Variants in ABHD4 observed in about 807,000 individuals in gnomAD.
ABHD4 encodes the protein abhydrolase domain containing 4, N-acyl phospholipase B.
Under a neutral mutation model 42.3 loss-of-function variants are expected in ABHD4, and 35 were observed. That is an observed-to-expected ratio of 0.83 (90% confidence interval 0.63 to 1.10). The LOEUF (loss-of-function observed/expected upper bound fraction) is 1.10, where lower values mean the gene tolerates loss of function less well. Among genes scored for constraint, ABHD4 ranks in the 50% least tolerant of loss-of-function variants. The pLI is 0.00. For missense variants in ABHD4, 389 were observed against 454.8 expected, an observed-to-expected ratio of 0.86 and a Z score of 1.32; for synonymous variants, 169 against 170.6, an observed-to-expected ratio of 0.99 and a Z score of 0.07.
At chr14:22,607,140 C>T (rs1401545963) in intron 5 of ABHD4, among the ~76,000 whole-genome samples, 1 of 152,092 alleles carries the variant, frequency 6.6e-6, no homozygotes, top group Non-Finnish European at 1.5e-5. Flanking sequence ...ATTTGAAATG[C>T]CTTATCATTG....
Position 22,610,911 on chromosome 14 carries a change from A to G in ABHD4, c.992A>G (p.Asn331Ser), listed in dbSNP as rs2037407939. 1.2e-6 allele frequency: 2 copies of G among 1,613,996 alleles called. No individual in the cohort carries two copies. The highest frequency in any genetic ancestry group is 1.3e-5 in the African/African-American group (1 of 74,890). ...HVYADQPHIF[N>S]AVVEEICDSV... ...TATGCTGACCAGCCACACATCTTCA[A>G]TGCTGTGGTGGAGGAGATCTGCGAC... is the stretch of plus-strand genomic sequence containing the variant. Residue 331 changes from asparagine (N) to serine (S), a missense_variant, in exon 7 of 7, where the codon AAT becomes AGT. Transcript: ENST00000428304.
rs1226675115 is a variant in ABHD4, at chr14:22,606,526, A to G, written c.745A>G (p.Asn249Asp). The G allele has an allele frequency of 6.2e-7, 1 of 1,611,456 alleles. No individual in the cohort carries two copies. Among genetic ancestry groups the G allele is most frequent in the South Asian group, 1.1e-5 (1 of 90,548 alleles). The change falls in exon 5 of 7, where the codon AAT becomes GAT. Residue 249 changes from asparagine to aspartate, a missense_variant. This residue lies in a region of ABHD4 where 249 missense variants were observed against 254.4 expected (regional missense o/e 0.98). Transcript: ENST00000428304. ...SEYIYHCNAQ[N>D]PSGETAFKAM... ...GTATATTTACCACTGCAACGCACAG[A>G]ATCCCAGGTGAGGGCCGCTCCCCAG... is the stretch of plus-strand genomic sequence containing the variant.
At chr14:22,607,195 G>A (rs1314301444) in intron 5 of ABHD4, among the ~76,000 whole-genome samples, 12 of 152,026 alleles carry the variant, frequency 7.9e-5, no homozygotes, top group African/African-American at 1.2e-4. Context: ...GGGGTGTCTC[G>A]AGAACTTTGA....
intron 1 of ABHD4, chr14:22,600,307 T>C: frequency 2.4e-6 from 1 of 410,580 alleles, no homozygotes; most frequent in Non-Finnish European, 5.0e-6. Context: ...TATTTGTACA[T>C]GACCTTGAAA....
chr14:22,604,670 T>C (rs2037328886), intron 4 of ABHD4, among the ~76,000 whole-genome samples: 1 of 152,064 alleles, frequency 6.6e-6, no homozygotes, highest in South Asian at 2.1e-4. Context: ...TGTGCAGTGG[T>C]GTGATCTCAG....
At chr14:22,602,149 A>C (rs1429991329) in intron 2 of ABHD4, among the ~76,000 whole-genome samples, 2 of 151,944 alleles carry the variant, frequency 1.3e-5, no homozygotes, top group African/African-American at 4.8e-5. Flanking sequence ...CTTGGCCAGC[A>C]ATCTTGCATT....
In ABHD4 at chr14:22,601,691, G is replaced by A. The variant is rs2037287296; in HGVS notation, c.48G>A (p.Trp16Ter). 1.2e-6 allele frequency: 2 copies of A among 1,614,012 alleles called. No homozygotes were observed. Among genetic ancestry groups the A allele is most frequent in the South Asian group, 1.1e-5 (1 of 91,088 alleles). The stretch of plus-strand genomic sequence containing the variant: ...GGTCTCAAGGCTGGCTGAGTAGCTG[G>A]CTGCCCACGTGGCGCCCCACTTCCA... ...EQQSQGWLSS[W>*]LPTWRPTSMS... The change falls in exon 2 of 7, where the codon TGG becomes TGA. Residue 16 changes from tryptophan to a stop codon, truncating the protein, a stop_gained. Coordinates refer to ENST00000428304, the MANE Select transcript of ABHD4 (RefSeq NM_022060.3). LOFTEE classifies it high-confidence loss of function.
intron 5 of ABHD4, among the ~76,000 whole-genome samples, chr14:22,608,928 G>A (rs368665183): frequency 7.2e-5 from 11 of 152,116 alleles, no homozygotes; most frequent in Admixed American, 4.6e-4. Flanking sequence ...TCGAACTCCC[G>A]ACCTCAGGTG....
Position 22,601,744 on chromosome 14 carries a change from G to A in ABHD4, c.101G>A (p.Arg34Lys). 6.2e-7 allele frequency: 1 copy of A among 1,614,136 alleles called. No individual in the cohort carries two copies. Residue 34 changes from arginine to lysine, a missense_variant, in exon 2 of 7, where the codon AGG (arginine) becomes AAG (lysine). Around this residue, in one of 3 missense-constraint regions of ABHD4, gnomAD observed 102 missense variants for 128.3 expected, o/e 0.80. Transcript: ENST00000428304. ...SMSQLKNVEA[R>K]ILQCLQNKFL... ...TCTCAGCTGAAGAATGTGGAAGCCAGGATCCTCCAGTGTAAGTAGAATGGA... is the reference window on the plus strand; with the variant it reads ...TCTCAGCTGAAGAATGTGGAAGCCAAGATCCTCCAGTGTAAGTAGAATGGA...
At chr14:22,609,665 A>C in intron 5 of ABHD4, 59 bp from the exon 6 acceptor site, 1 of 1,562,068 alleles carries the variant, frequency 6.4e-7, no homozygotes, top group Non-Finnish European at 8.7e-7. Context: ...CAGTCTCTGA[A>C]GAGACCAACA....
At chr14:22,601,166 A>G (rs1395979726) in intron 1 of ABHD4, among the ~76,000 whole-genome samples, 1 of 152,184 alleles carries the variant, frequency 6.6e-6, no homozygotes, top group Non-Finnish European at 1.5e-5. Flanking sequence ...TGGGCACAAC[A>G]CAGTATTCCA....
chr14:22,603,406 C>T lies in ABHD4; in HGVS notation c.129C>T (p.Phe43=). ...ARILQCLQNK[F]LARYVSLPNQ... ...CCTCCCCAGGTCTCCAGAATAAGTT[C>T]CTGGCCAGATATGTATCCCTCCCAA... The change falls in exon 3 of 7, where the codon TTC becomes TTT. Residue 43 remains phenylalanine, a synonymous_variant. Transcript: ENST00000428304. The T allele has an allele frequency of 1.2e-6, 2 of 1,614,174 alleles. No individual in the cohort carries two copies. The highest frequency in any genetic ancestry group is 1.7e-6 in the Non-Finnish European group (2 of 1,180,026).
At position 22,604,058 on chromosome 14, in the gene ABHD4, C is replaced by T; in HGVS notation, c.619C>T (p.Leu207Phe). 1 of 1,614,190 alleles carries T rather than the reference C, an allele frequency of 6.2e-7. No homozygotes were observed. Among genetic ancestry groups the T allele is most frequent in the Non-Finnish European group, 8.5e-7 (1 of 1,180,030 alleles). ...AGGACGTTCCAATCCATTGGCTGTT[C>T]TTCGAGTAGCTGGGCCCTGGGGTGA... ...VLGRSNPLAVLRVAGPWGPGL... is the reference protein window; with the variant it reads ...VLGRSNPLAVFRVAGPWGPGL... Residue 207 changes from leucine to phenylalanine, a missense_variant, in exon 4 of 7, where the codon CTT becomes TTT. Physicochemically the swap from Leu to Phe is conservative, Grantham distance 22. Around this residue, in one of 3 missense-constraint regions of ABHD4, gnomAD observed 249 missense variants for 254.4 expected, o/e 0.98. Coordinates refer to ENST00000428304, the MANE Select transcript of ABHD4 (RefSeq NM_022060.3).
At chr14:22,609,256 C>T (rs544970618) in intron 5 of ABHD4, among the ~76,000 whole-genome samples, 1 of 151,906 alleles carries the variant, frequency 6.6e-6, no homozygotes, top group Non-Finnish European at 1.5e-5. Context: ...CCTCGGCCTC[C>T]CAAAGTGCTG....
rs2037340946 is a variant in ABHD4 at position 22,605,649 on chromosome 14, G to A, written c.641-773G>A. The stretch of plus-strand genomic sequence containing the variant: ...CACCTCTGGCCAGGCTCATGCAGGA[G>A]CATCAGAGCTATCATAGTTGGGGAA... On this transcript the variant is annotated intron_variant, in intron 4 of 6. Coordinates refer to ENST00000428304, the MANE Select transcript of ABHD4 (RefSeq NM_022060.3). 1.7e-5 allele frequency: 7 copies of A among 402,052 alleles called. No homozygotes were observed. In the Admixed American group the frequency reaches 1.8e-4, roughly 10 times the overall value. The allele number at this position is 402,052 out of a possible 1,614,324, so 24.9% of individuals were successfully genotyped here. A position where few individuals can be genotyped will look rare whatever the true frequency, so the allele number is the denominator to read the frequency against.
chr14:22,601,716 A>G lies in ABHD4; in HGVS notation c.73A>G (p.Met25Val). The G allele has an allele frequency of 1.9e-6, 3 of 1,614,064 alleles. No homozygotes were observed. The highest frequency in any genetic ancestry group is 2.2e-5 in the East Asian group (1 of 44,878). ...SWLPTWRPTS[M>V]SQLKNVEARI... is the part of the protein sequence containing the mutation. The stretch of plus-strand genomic sequence containing the variant: ...GCTGCCCACGTGGCGCCCCACTTCC[A>G]TGTCTCAGCTGAAGAATGTGGAAGC... Residue 25 changes from methionine to valine, a missense_variant, in exon 2 of 7, where the codon ATG becomes GTG. Coordinates refer to ENST00000428304, the MANE Select transcript of ABHD4 (RefSeq NM_022060.3).
At position 22,606,462 on chromosome 14, in the gene ABHD4, C is replaced by G. The variant is rs752797081; in HGVS notation, c.681C>G (p.Arg227=). 1 of 1,613,666 alleles carries G rather than the reference C, an allele frequency of 6.2e-7. No homozygotes were observed. Among genetic ancestry groups the G allele is most frequent in the South Asian group, 1.1e-5 (1 of 90,854 alleles). ...AGCGATTCCGGCCGGACTTCAAACGCAAGTTTGCAGACTTCTTTGAAGATG... is the reference window on the plus strand; with the variant it reads ...AGCGATTCCGGCCGGACTTCAAACGGAAGTTTGCAGACTTCTTTGAAGATG... ...LVQRFRPDFK[R]KFADFFEDDT... The change falls in exon 5 of 7, where the codon CGC becomes CGG. Residue 227 remains arginine, a synonymous_variant. Coordinates refer to ENST00000428304, the MANE Select transcript of ABHD4 (RefSeq NM_022060.3).
At chr14:22,601,282 TG>T (rs1341847404) in intron 1 of ABHD4, among the ~76,000 whole-genome samples, 3 of 152,238 alleles carry the variant, frequency 2.0e-5, no homozygotes, top group African/African-American at 7.2e-5. Flanking sequence ...CAGCTAGTAC[TG>T]GGGACAGCAA....
At chr14:22,606,589 C>T in intron 5 of ABHD4, 56 bp downstream of exon 5, 1 of 1,234,894 alleles carries the variant, frequency 8.1e-7, no homozygotes, top group South Asian at 1.3e-5. Flanking sequence ...AGATAAAACT[C>T]TTAGCTGCTG....
Sources: gnomAD v4.1 joint callset for allele counts (sites outside exome capture counted in the v4.1 genomes callset) on GRCh38, gnomAD v4.1.1 for gene constraint, gnomAD v4.1.1 regional missense constraint, MANE v1.5 for transcripts, NCBI Gene and HGNC (gene_info 2026-07-23, HGNC 2026-07-21) for gene names.